The following ARL13A variants were observed in gnomAD, a reference collection of about 807,000 sequenced individuals.
ARL13A encodes the protein ARF like GTPase 13A, also known as ADP-ribosylation factor-like protein 13A.
A neutral mutation model predicts 19.1 loss-of-function variants in ARL13A; 16 were observed. That is an observed-to-expected ratio of 0.84 (90% confidence interval 0.57 to 1.27). The LOEUF (loss-of-function observed/expected upper bound fraction) is 1.27. ARL13A is among the 50% of genes most tolerant of loss of function. The pLI, the probability that ARL13A is intolerant of heterozygous loss-of-function variation, is 0.00. For missense variants in ARL13A, 153 were observed against 186.4 expected, an observed-to-expected ratio of 0.82 and a Z score of 1.04; for synonymous variants, 69 against 71.3, an observed-to-expected ratio of 0.97 and a Z score of 0.17.
At chrX:100,987,583 C>T (rs778969012) in intron 6 of ARL13A, 27 bp downstream of exon 6, 1 of 1,200,936 alleles carries the variant, frequency 8.3e-7, no homozygotes, top group Non-Finnish European at 1.1e-6. Flanking sequence ...ATGAGATTTG[C>T]TGATAAGAAA....
At chrX:100,977,435 C>T (rs191931542) in intron 3 of ARL13A, among the ~76,000 whole-genome samples, 543 of 93,675 alleles carry the variant, frequency 5.8e-3, no homozygotes, top group Middle Eastern at 0.032. Context: ...GGCTGGAGTG[C>T]AGTGGCACGA....
intron 5 of ARL13A, 78 bp downstream of exon 5, chrX:100,986,979 C>T: frequency 1.5e-6 from 1 of 661,896 alleles, no homozygotes. Context: ...TAGTCAGTCC[C>T]ATATGTTGGG....
chrX:100,977,494 C>A (rs2085786047), intron 3 of ARL13A, among the ~76,000 whole-genome samples: 1 of 108,507 alleles, frequency 9.2e-6, no homozygotes, highest in South Asian at 4.1e-4. Context: ...AATTCTCCTA[C>A]CTCAGCCTCC....
chrX:100,985,867 T>C lies in ARL13A; in HGVS notation c.331T>C (p.Leu111=). The change falls in exon 4 of 8, where the codon TTA becomes CTA. Residue 111 remains leucine, a synonymous_variant. Transcript: ENST00000450049. ...ACGCATGCAGGAAGTGAAGATCATC[T>C]TAACACATCTGCTGTCCGATAAAAG... ...IRRMQEVKII[L]THLLSDKRVA... 1.7e-6 allele frequency: 2 copies of C among 1,210,931 alleles called. No homozygotes were observed. Among genetic ancestry groups the C allele is most frequent in the Non-Finnish European group, 2.2e-6 (2 of 895,088 alleles).
At chrX:100,980,802 G>C (rs1307652368) in intron 3 of ARL13A, among the ~76,000 whole-genome samples, 1 of 111,239 alleles carries the variant, frequency 9.0e-6, no homozygotes, top group Non-Finnish European at 1.9e-5. Context: ...TCTTTAGTCA[G>C]GTGGTGGTGA....
At chrX:100,975,344 C>T (rs946728972) in intron 3 of ARL13A, among the ~76,000 whole-genome samples, 1 of 111,455 alleles carries the variant, frequency 9.0e-6, no homozygotes, top group Non-Finnish European at 1.9e-5. Flanking sequence ...AAGTCACAGC[C>T]CAGCTTGACC....
chrX:100,982,603 G>T (rs1385567980), intron 3 of ARL13A, among the ~76,000 whole-genome samples: 1 of 108,536 alleles, frequency 9.2e-6, no homozygotes, highest in Non-Finnish European at 1.9e-5. Context: ...GGGACCTGGA[G>T]ATTCAAAAGT....
At chrX:100,986,020 C>T in intron 4 of ARL13A, 104 bp downstream of exon 4, 1 of 996,289 alleles carries the variant, frequency 1.0e-6, no homozygotes, top group Non-Finnish European at 1.3e-6. Context: ...AGCTAGGCCT[C>T]CTGTTCCCTT....
chrX:100,983,446 T>C (rs2085891163), intron 3 of ARL13A, among the ~76,000 whole-genome samples: 3 of 110,036 alleles, frequency 2.7e-5, no homozygotes, highest in African/African-American at 9.9e-5. Context: ...AACCTCTGCC[T>C]CCCGGGTTCA....
chrX:100,986,257 C>A (rs2147974830), intron 4 of ARL13A, among the ~76,000 whole-genome samples: 1 of 111,946 alleles, frequency 8.9e-6, no homozygotes, highest in East Asian at 2.8e-4. Flanking sequence ...GGTCTCTGAT[C>A]CTGAAACCTC....
intron 3 of ARL13A, among the ~76,000 whole-genome samples, chrX:100,976,571 C>T (rs956403952): frequency 1.8e-5 from 2 of 111,692 alleles, no homozygotes; most frequent in Non-Finnish European, 3.8e-5. Context: ...TTGAATAATT[C>T]ACCTCCCTTG....
chrX:100,982,860 C>T (rs2085881697), intron 3 of ARL13A, among the ~76,000 whole-genome samples: 1 of 110,155 alleles, frequency 9.1e-6, no homozygotes, highest in South Asian at 4.0e-4. Flanking sequence ...CACAATCAGG[C>T]ATGGGTTTCA....
intron 7 of ARL13A, among the ~76,000 whole-genome samples, chrX:100,988,726 A>G (rs1353677209): frequency 9.2e-6 from 1 of 108,637 alleles, no homozygotes; most frequent in Non-Finnish European, 1.9e-5. Flanking sequence ...ATCTTCTGGT[A>G]GTCCAGCATG....
At chrX:100,973,231 T>G in intron 1 of ARL13A, among the ~76,000 whole-genome samples, 1 of 52,569 alleles carries the variant, frequency 1.9e-5, no homozygotes, top group Non-Finnish European at 3.5e-5. Context: ...CTTTCCAGAC[T>G]GGGCAGCCAG....
At chrX:100,990,180 C>T (rs974391473) in intron 7 of ARL13A, among the ~76,000 whole-genome samples, 1 of 111,120 alleles carries the variant, frequency 9.0e-6, no homozygotes, top group African/African-American at 3.3e-5. Flanking sequence ...AAGTACGAGG[C>T]CAGGGCAGAG....
chrX:100,970,101 G>A (rs987282066), intron 1 of ARL13A, among the ~76,000 whole-genome samples: 5 of 112,499 alleles, frequency 4.4e-5, no homozygotes, highest in African/African-American at 9.7e-5. Context: ...GACATGAAGC[G>A]GTTACTGGCC....
Position 100,973,755 on chromosome X carries a change from T to C in ARL13A, c.59+7T>C. The C allele has an allele frequency of 8.3e-7, 1 of 1,207,782 alleles. No homozygotes were observed. The highest frequency in any genetic ancestry group is 1.7e-5 in the African/African-American group (1 of 57,807). The stretch of plus-strand genomic sequence containing the variant: ...CAACAGAAGAGACACGAAGGTAATA[T>C]TACAATTATTTCCCTAGGCCTATTC... On this transcript the variant is annotated splice_region_variant and intron_variant, in intron 2 of 7. Transcript: ENST00000450049.
chrX:100,985,908 C>T lies in ARL13A; in HGVS notation c.372C>T (p.Pro124=). The change falls in exon 4 of 8, where the codon CCC becomes CCT. Residue 124 remains proline, a synonymous_variant. Transcript: ENST00000450049. ...CCGATAAAAGAGTGGCAGGGAAACC[C>T]ATCTTAATGTAAGATTCTGCCTTTC... The part of the protein sequence containing the change: ...LLSDKRVAGK[P]ILILANKQDK... The T allele has an allele frequency of 5.0e-6, 6 of 1,205,099 alleles. No homozygotes were observed. Among genetic ancestry groups the T allele is most frequent in the African/African-American group, 1.7e-5 (1 of 57,644 alleles).
intron 3 of ARL13A, among the ~76,000 whole-genome samples, chrX:100,975,646 T>C (rs1380009939): frequency 1.9e-5 from 2 of 105,100 alleles, no homozygotes; most frequent in African/African-American, 3.7e-5. Context: ...TTTTTTTTTT[T>C]CTCTGAGACA....
Sources: gnomAD v4.1 joint callset for allele counts (sites outside exome capture counted in the v4.1 genomes callset) on GRCh38, gnomAD v4.1.1 for gene constraint, MANE v1.5 for transcripts, NCBI Gene and HGNC (gene_info 2026-07-23, HGNC 2026-07-21) for gene names.